Variants in ASIC2 observed in about 807,000 individuals in gnomAD.
The protein encoded by ASIC2 is acid sensing ion channel subunit 2.
ASIC2 carries 25 observed loss-of-function variants against 57.3 expected under a neutral mutation model. The ratio of observed to expected loss-of-function variants is 0.44; its 90% CI spans 0.32 to 0.61. The LOEUF is 0.61. Ranked by LOEUF, ASIC2 falls within the 20% of genes least tolerant of loss-of-function variation. The pLI is 0.06. For synonymous variants in ASIC2, 319 were observed against 307.5 expected, an observed-to-expected ratio of 1.04 and a Z score of -0.39; for missense variants, 641 against 738.1, an observed-to-expected ratio of 0.87 and a Z score of 1.52.
intron 1 of ASIC2, chr17:34,004,370 A>G (rs1229370029): frequency 6.6e-6 from 1 of 152,186 alleles, no homozygotes; most frequent in Non-Finnish European, 1.5e-5. Flanking sequence ...AGCCAAACCC[A>G]TAATAGACAC....
At chr17:33,175,224 C>A (rs1396673114) in intron 1 of ASIC2, among the ~76,000 whole-genome samples, 2 of 152,242 alleles carry the variant, frequency 1.3e-5, no homozygotes, top group East Asian at 3.9e-4. Flanking sequence ...TTTTCTTTTG[C>A]AAAACTTCTT....
At chr17:33,929,272 G>A (rs1381729929) in intron 1 of ASIC2, among the ~76,000 whole-genome samples, 2 of 152,000 alleles carry the variant, frequency 1.3e-5, no homozygotes, top group Non-Finnish European at 2.9e-5. Flanking sequence ...CACTGCCCCC[G>A]ACCGAGCTGT....
intron 1 of ASIC2, among the ~76,000 whole-genome samples, chr17:33,991,950 A>G (rs1222352184): frequency 6.6e-6 from 1 of 152,200 alleles, no homozygotes; most frequent in East Asian, 1.9e-4. Flanking sequence ...GTATATTAAT[A>G]AAGGTTGTCC....
At chr17:33,015,917 T>G in intron 9 of ASIC2, 54 bp downstream of exon 9, 1 of 1,592,000 alleles carries the variant, frequency 6.3e-7, no homozygotes, top group African/African-American at 1.3e-5. Flanking sequence ...GGTTTTGTAC[T>G]GCCGGTACAA....
Position 34,156,221 on chromosome 17 carries a change from G to A in ASIC2, c.312C>T (p.Thr104=). 1 of 1,614,110 alleles carries A rather than the reference G, an allele frequency of 6.2e-7. No homozygotes were observed. The highest frequency in any genetic ancestry group is 8.5e-7 in the Non-Finnish European group (1 of 1,180,016). Reference sequence around the variant, plus strand: ...GCTCCCCAGCATGGTACAGGTCATTGGTGGTGAGCCTGGAGAACCGGAAGC... The same window carrying A: ...GCTCCCCAGCATGGTACAGGTCATTAGTGGTGAGCCTGGAGAACCGGAAGC... Residue 104 remains threonine, a synonymous_variant, in exon 1 of 10, where the codon ACC becomes ACT. Coordinates refer to the ASIC2 transcript ENST00000359872. The surrounding 1 kb of genome is among the most constrained non-coding windows in gnomAD (Gnocchi z 4.4).
chr17:33,099,766 T>C (rs928823652), intron 2 of ASIC2, among the ~76,000 whole-genome samples: 2 of 152,174 alleles, frequency 1.3e-5, no homozygotes, highest in African/African-American at 4.8e-5. Context: ...AGTTGGTGGA[T>C]GATTAAGATT....
At chr17:33,881,182 TC>T (rs1254861926) in intron 1 of ASIC2, among the ~76,000 whole-genome samples, 1 of 152,136 alleles carries the variant, frequency 6.6e-6, no homozygotes, top group African/African-American at 2.4e-5. Context: ...CTGGAAGCAT[TC>T]CCTTTGAAAA....
intron 2 of ASIC2, among the ~76,000 whole-genome samples, chr17:33,105,493 G>T (rs1353817810): frequency 1.3e-5 from 2 of 152,158 alleles, no homozygotes; most frequent in East Asian, 3.8e-4. Flanking sequence ...TTTCTTCATA[G>T]CAGTATGAAA....
At chr17:33,150,541 C>A (rs1386487212) in intron 1 of ASIC2, among the ~76,000 whole-genome samples, 1 of 152,060 alleles carries the variant, frequency 6.6e-6, no homozygotes, top group Non-Finnish European at 1.5e-5. Context: ...GCAATAAGTT[C>A]TTTTTTAAAT....
intron 1 of ASIC2, among the ~76,000 whole-genome samples, chr17:33,820,814 C>A (rs1912721394): frequency 6.6e-6 from 1 of 152,134 alleles, no homozygotes; most frequent in South Asian, 2.1e-4. Flanking sequence ...GTAGCTGGGA[C>A]TACTGGTGCG....
At chr17:33,132,759 C>T (rs543743738) in intron 1 of ASIC2, among the ~76,000 whole-genome samples, 1 of 152,146 alleles carries the variant, frequency 6.6e-6, no homozygotes, top group Non-Finnish European at 1.5e-5. Flanking sequence ...ATGTCTGGCC[C>T]TTGGAGTTTC....
At chr17:33,693,959 G>A (rs1226160030) in intron 1 of ASIC2, among the ~76,000 whole-genome samples, 6 of 152,152 alleles carry the variant, frequency 3.9e-5, no homozygotes, top group Non-Finnish European at 7.4e-5. Flanking sequence ...ATGTTTGCAC[G>A]TTTTTAAGAA....
intron 1 of ASIC2, among the ~76,000 whole-genome samples, chr17:34,030,535 C>T (rs150789960): frequency 1.2e-3 from 183 of 152,304 alleles, no homozygotes; most frequent in African/African-American, 4.0e-3. Context: ...GTGCACCGTG[C>T]GCGAGCTGAA....
At chr17:33,263,069 G>A (rs2142147059) in intron 1 of ASIC2, among the ~76,000 whole-genome samples, 1 of 152,298 alleles carries the variant, frequency 6.6e-6, no homozygotes, top group East Asian at 1.9e-4. Context: ...TTCATTAACT[G>A]GACTGTGAGC....
intron 1 of ASIC2, among the ~76,000 whole-genome samples, chr17:33,233,129 C>A (rs964391925): frequency 6.6e-6 from 1 of 151,824 alleles, no homozygotes; most frequent in Non-Finnish European, 1.5e-5. Flanking sequence ...ACTTTCTGTG[C>A]CTGTGCACCC....
chr17:33,675,097 T>G (rs1408832278), intron 1 of ASIC2, among the ~76,000 whole-genome samples: 1 of 152,226 alleles, frequency 6.6e-6, no homozygotes, highest in East Asian at 1.9e-4. Flanking sequence ...ACCTAATTCT[T>G]GTAAAGTGCT....
intron 1 of ASIC2, among the ~76,000 whole-genome samples, chr17:34,011,902 A>G (rs866003420): frequency 2.0e-5 from 3 of 152,168 alleles, no homozygotes; most frequent in Middle Eastern, 3.2e-3. Context: ...TCCTGGCCTC[A>G]GCCCTCATGG....
chr17:33,090,335 T>C (rs1314685674), intron 2 of ASIC2, among the ~76,000 whole-genome samples: 1 of 152,178 alleles, frequency 6.6e-6, no homozygotes, highest in Non-Finnish European at 1.5e-5. Context: ...AACTGTTTCC[T>C]CCAGCAGGCT....
chr17:33,040,641 T>C (rs1479467744), intron 3 of ASIC2, among the ~76,000 whole-genome samples: 1 of 152,300 alleles, frequency 6.6e-6, no homozygotes, highest in Non-Finnish European at 1.5e-5. Flanking sequence ...GAGAAACCGA[T>C]CAAGACGAGG....
Sources: allele counts gnomAD v4.1 joint callset (sites outside exome capture counted in the v4.1 genomes callset), GRCh38; gene constraint gnomAD v4.1.1; non-coding constraint Gnocchi (gnomAD v3.1); transcripts MANE v1.5; gene names NCBI Gene and HGNC (gene_info 2026-07-23, HGNC 2026-07-21).